The following KATNAL2 variants were observed in gnomAD, a reference collection of about 807,000 sequenced individuals.
KATNAL2 encodes the protein katanin p60 ATPase-containing subunit A-like 2.
KATNAL2 carries 52 observed loss-of-function variants against 76.3 expected under a neutral mutation model. The observed-to-expected ratio is 0.68, with a 90% CI of 0.55 to 0.86. The LOEUF is 0.86. KATNAL2 is among the 40% of genes least tolerant of loss of function. The probability of loss-of-function intolerance (pLI) is 0.00; values close to 1 mark genes in which losing one functional copy is unlikely to be tolerated. For synonymous variants in KATNAL2, 243 were observed against 244.2 expected (o/e 1.00, Z 0.05); for missense variants, 660 against 668.9 (o/e 0.99, Z 0.15).
chr18:46,939,116 C>T (rs926790438), intron 1 of KATNAL2, among the ~76,000 whole-genome samples: 1 of 151,984 alleles, frequency 6.6e-6, no homozygotes, highest in Non-Finnish European at 1.5e-5. Flanking sequence ...CCGAGGCGGG[C>T]AGATCACAAG....
intron 1 of KATNAL2, among the ~76,000 whole-genome samples, chr18:46,932,191 G>C (rs1295854906): frequency 1.3e-5 from 2 of 152,092 alleles, no homozygotes; most frequent in Admixed American, 6.6e-5. Context: ...GATTACAGGC[G>C]TGAGCCACCA....
At chr18:46,948,172 A>G (rs2059436655) in intron 3 of KATNAL2, among the ~76,000 whole-genome samples, 1 of 151,724 alleles carries the variant, frequency 6.6e-6, no homozygotes, top group African/African-American at 2.4e-5. Flanking sequence ...GTGCAGTGGC[A>G]TGATCTCAGC....
At chr18:46,920,098 G>T (rs1015445429) in intron 1 of KATNAL2, 21 of 1,289,350 alleles carry the variant, frequency 1.6e-5, no homozygotes, top group Non-Finnish European at 2.1e-5. Flanking sequence ...CATTCATTCT[G>T]CCCCTTCCTC....
chr18:47,045,309 T>TTTTTCTTTTCTTTTCTTTTC (rs971657545), intron 3 of KATNAL2, among the ~76,000 whole-genome samples: 64 of 145,106 alleles, frequency 4.4e-4, no homozygotes, highest in Non-Finnish European at 6.3e-4. Flanking sequence ...GGTTTGTTTG[T>TTTTTCTTTTCTTTTCTTTTC]TTTTCTTTTC....
intron 15 of KATNAL2, among the ~76,000 whole-genome samples, chr18:47,081,383 GTTTT>G (rs1352453167): frequency 2.0e-5 from 3 of 152,074 alleles, no homozygotes; most frequent in African/African-American, 7.2e-5. Context: ...TTAATAACAT[GTTTT>G]ATTTAACACA....
chr18:47,047,937 C>A (rs2061213032), intron 4 of KATNAL2, among the ~76,000 whole-genome samples: 1 of 152,156 alleles, frequency 6.6e-6, no homozygotes, highest in South Asian at 2.1e-4. Context: ...GAACTACTAG[C>A]TTCAAGTGAT....
At chr18:47,069,840 A>C (rs1207379448) in intron 13 of KATNAL2, among the ~76,000 whole-genome samples, 1 of 151,992 alleles carries the variant, frequency 6.6e-6, no homozygotes, top group African/African-American at 2.4e-5. Flanking sequence ...CTCTTTTTTT[A>C]TTCATGCAAT....
chr18:47,031,559 A>G lies in KATNAL2; in HGVS notation c.52-14898A>G, dbSNP rs149422064. Among the ~76,000 whole-genome samples, 6 of 152,212 alleles carry G rather than the reference A, an allele frequency of 3.9e-5. No homozygotes were observed. In the South Asian group the frequency reaches 1.0e-3, roughly 26 times the overall value. The stretch of plus-strand genomic sequence containing the variant: ...GTACCCTTCCACAGTTTGTAGAAAA[A>G]TAGGTAAATTTGCTGTGTTTCCAGA... On this transcript the variant is annotated intron_variant, in intron 3 of 17. Coordinates refer to ENST00000683218, the MANE Select transcript of KATNAL2 (RefSeq NM_001387690.1).
Position 47,058,224 on chromosome 18 carries a change from C to G in KATNAL2, c.333-11C>G. 1 of 1,570,610 alleles carries G rather than the reference C, an allele frequency of 6.4e-7. No homozygotes were observed. On this transcript the variant is annotated splice_polypyrimidine_tract_variant and intron_variant, in intron 6 of 17. Coordinates refer to ENST00000683218, the MANE Select transcript of KATNAL2 (RefSeq NM_001387690.1). ...AATAATTTCTTCCAAGGTCTTTGTT[C>G]CCTCCCTTAGGATGATGAACGACAG...
intron 15 of KATNAL2, among the ~76,000 whole-genome samples, chr18:47,081,469 A>G (rs930077683): frequency 6.6e-6 from 1 of 152,214 alleles, no homozygotes; most frequent in African/African-American, 2.4e-5. Flanking sequence ...TTTCATACTA[A>G]ATTGGAAAAA....
chr18:46,933,761 G>A (rs1417136500), intron 1 of KATNAL2, among the ~76,000 whole-genome samples: 9 of 40,250 alleles, frequency 2.2e-4, no homozygotes, highest in Non-Finnish European at 3.5e-4. Flanking sequence ...TTTAGCATTA[G>A]GTATATCCCC....
rs2146411757 is a variant in KATNAL2 at position 46,917,639 on chromosome 18, G to A, written c.-797G>A. 3.7e-6 allele frequency: 3 copies of A among 817,466 alleles called. No homozygotes were observed. The highest frequency in any genetic ancestry group is 4.5e-6 in the Non-Finnish European group (3 of 673,316). The allele number at this position is 817,466 out of a possible 1,614,324, so 50.6% of individuals were successfully genotyped here. On this transcript the variant is annotated 5_prime_UTR_variant, in exon 1 of 18. Coordinates refer to ENST00000683218, the MANE Select transcript of KATNAL2 (RefSeq NM_001387690.1). ...GACAGCGCCCGCCCGCGCCTGCCCC[G>A]GCGTGCTGCCCCGCGGCTTGGCCCC...
intron 1 of KATNAL2, among the ~76,000 whole-genome samples, chr18:46,945,415 T>C (rs917939775): frequency 5.3e-5 from 8 of 152,236 alleles, no homozygotes; most frequent in African/African-American, 1.9e-4. Context: ...TAGACTTTTC[T>C]TATGCAGCAG....
chr18:47,067,179 T>C, intron 11 of KATNAL2, 60 bp downstream of exon 11: 1 of 786,294 alleles, frequency 1.3e-6, no homozygotes. Flanking sequence ...ACAAGCTGTA[T>C]GTCACACAAC....
rs569676424 is a variant in KATNAL2, at chr18:47,046,488, A to T, written c.83A>T (p.Asn28Ile). The change falls in exon 4 of 18, where the codon AAT (asparagine) becomes ATT (isoleucine). Residue 28 changes from asparagine to isoleucine, a missense_variant. Physicochemically the swap from Asn to Ile is moderately radical, Grantham distance 149 (BLOSUM62 -3). Transcript: ENST00000683218. ...ATGAGGACAGAAGCACGACGAAAAA[A>T]TCTTCTCATTTTGATTTCGCATTAT... ...CEMRTEARRK[N>I]LLILISHYLT... The T allele has an allele frequency of 1.3e-6, 2 of 1,536,022 alleles. No individual in the cohort carries two copies. Among genetic ancestry groups the T allele is most frequent in the Non-Finnish European group, 1.7e-6 (2 of 1,146,830 alleles).
chr18:47,040,986 T>C (rs115097709), intron 3 of KATNAL2, among the ~76,000 whole-genome samples: 171 of 152,320 alleles, frequency 1.1e-3, no homozygotes, highest in African/African-American at 3.4e-3. Flanking sequence ...AGGAACTAAT[T>C]TGAAACCATA....
chr18:46,961,566 A>G (rs1471680732), intron 3 of KATNAL2, among the ~76,000 whole-genome samples: 1 of 152,224 alleles, frequency 6.6e-6, no homozygotes, highest in Non-Finnish European at 1.5e-5. Flanking sequence ...TGAGGGTTTT[A>G]AATTCTCCCC....
chr18:47,046,352 C>A, intron 3 of KATNAL2, 105 bp from the exon 4 acceptor site: 1 of 742,432 alleles, frequency 1.3e-6, no homozygotes, highest in South Asian at 1.6e-5. Flanking sequence ...GCCTTTAAGT[C>A]ATGCTGCTTG....
chr18:46,940,526 C>T lies in KATNAL2; in HGVS notation c.-509-5531C>T, dbSNP rs566905681. On this transcript the variant is annotated intron_variant, in intron 1 of 17. Coordinates refer to ENST00000683218, the MANE Select transcript of KATNAL2 (RefSeq NM_001387690.1). Reference sequence around the variant, plus strand: ...AAATGGAGTTTTAACAATATATATTCAGAGATGGCTTGTAGTTGACTGTCA... The same window carrying T: ...AAATGGAGTTTTAACAATATATATTTAGAGATGGCTTGTAGTTGACTGTCA... 2.4e-4 allele frequency among the ~76,000 whole-genome samples: 36 copies of T among 152,188 alleles called. No homozygotes were observed. In the South Asian group the frequency reaches 6.8e-3, roughly 29 times the overall value.
Sources: gnomAD v4.1 joint callset for allele counts (sites outside exome capture counted in the v4.1 genomes callset) on GRCh38, gnomAD v4.1.1 for gene constraint, MANE v1.5 for transcripts, NCBI Gene and HGNC (gene_info 2026-07-23, HGNC 2026-07-21) for gene names.